FRMD4A: variants seen among roughly 807,000 people sequenced by gnomAD.
FRMD4A encodes FERM domain containing 4A.
In FRMD4A, 29 loss-of-function variants were observed where a neutral mutation model predicts 129.1. The ratio of observed to expected loss-of-function variants is 0.22; its 90% CI spans 0.17 to 0.31. The LOEUF (loss-of-function observed/expected upper bound fraction) is 0.31. Ranked by LOEUF, FRMD4A falls within the 10% of genes least tolerant of loss-of-function variation. The probability of loss-of-function intolerance (pLI) is 1.00; values close to 1 mark genes in which losing one functional copy is unlikely to be tolerated. For missense variants in FRMD4A, 1,272 were observed against 1,375.8 expected, an observed-to-expected ratio of 0.92 and a Z score of 1.19; for synonymous variants, 634 against 571.6, an observed-to-expected ratio of 1.11 and a Z score of -1.56.
At chr10:14,029,374 T>C (rs1018200047) in intron 2 of FRMD4A, among the ~76,000 whole-genome samples, 2 of 152,102 alleles carry the variant, frequency 1.3e-5, no homozygotes, top group African/African-American at 4.8e-5. Flanking sequence ...TATAGATTTC[T>C]GCAGCCCTGA....
intron 15 of FRMD4A, among the ~76,000 whole-genome samples, chr10:13,678,878 T>C (rs1242886056): frequency 6.6e-6 from 1 of 152,222 alleles, no homozygotes; most frequent in African/African-American, 2.4e-5. Flanking sequence ...ATATCCATTA[T>C]CCAAACATTG....
rs544931147 is a variant in FRMD4A at position 13,777,867 on chromosome 10, C to T, written c.384+5055G>A. Among the ~76,000 whole-genome samples the T allele has an allele frequency of 3.3e-3, 456 of 138,118 alleles. 1 individual carries two copies. Among genetic ancestry groups the T allele is most frequent in the African/African-American group, 0.011 (434 of 37,868 alleles). 90.6% of individuals were successfully genotyped at this position (138,118 alleles called of 152,430 possible). ...AGGCTGGAGTGCAATGGTGCGATCT[C>T]GGCTTACTGCAACCTCAGCCTCCCG... On this transcript the variant is annotated intron_variant, in intron 6 of 24. Coordinates refer to ENST00000357447, the MANE Select transcript of FRMD4A (RefSeq NM_018027.5).
At chr10:13,883,382 C>A (rs2094569322) in intron 2 of FRMD4A, among the ~76,000 whole-genome samples, 1 of 152,038 alleles carries the variant, frequency 6.6e-6, no homozygotes, top group Admixed American at 6.6e-5. Flanking sequence ...ATCCCAGCTA[C>A]TCGGGAGGCT....
At position 14,134,203 on chromosome 10, in the gene FRMD4A, T is replaced by C. The variant is rs2131832298; in HGVS notation, c.45+195855A>G. Among the ~76,000 whole-genome samples the C allele has an allele frequency of 1.3e-5, 2 of 152,336 alleles. 1 individual carries two copies. The highest frequency in any genetic ancestry group is 6.8e-3 in the Middle Eastern group (2 of 294). ...TTCCCATTCTGCTGTATAGCATATG[T>C]TTTGTAACATGTCTTGAAATCTTTT... On this transcript the variant is annotated intron_variant, in intron 2 of 24. Coordinates refer to ENST00000357447, the MANE Select transcript of FRMD4A (RefSeq NM_018027.5).
chr10:14,264,398 T>C (rs1430771886), intron 2 of FRMD4A, among the ~76,000 whole-genome samples: 3 of 152,226 alleles, frequency 2.0e-5, no homozygotes. Context: ...AAGCCATCAT[T>C]CTAAAAACAA....
At chr10:14,123,562 C>G (rs1838657370) in intron 2 of FRMD4A, among the ~76,000 whole-genome samples, 1 of 152,168 alleles carries the variant, frequency 6.6e-6, no homozygotes, top group Non-Finnish European at 1.5e-5. Flanking sequence ...TTGGGCAGTC[C>G]CCCATCTTTG....
chr10:14,203,091 A>G (rs1361807379), intron 2 of FRMD4A, among the ~76,000 whole-genome samples: 1 of 151,894 alleles, frequency 6.6e-6, no homozygotes, highest in Non-Finnish European at 1.5e-5. Flanking sequence ...AATATTTTAG[A>G]CTCAAGTTTA....
At chr10:13,797,396 G>T (rs1291871218) in intron 4 of FRMD4A, among the ~76,000 whole-genome samples, 1 of 152,180 alleles carries the variant, frequency 6.6e-6, no homozygotes, top group East Asian at 1.9e-4. Context: ...ACTTTGGAAG[G>T]CTGAGGCAAG....
chr10:14,226,585 ATCT>A (rs1475722829), intron 2 of FRMD4A, among the ~76,000 whole-genome samples: 1 of 152,148 alleles, frequency 6.6e-6, no homozygotes, highest in African/African-American at 2.4e-5. Flanking sequence ...GTAGATGGCC[ATCT>A]TCTCCCTGTG....
intron 2 of FRMD4A, among the ~76,000 whole-genome samples, chr10:13,890,079 G>T (rs2094676910): frequency 6.6e-6 from 1 of 152,202 alleles, no homozygotes; most frequent in Non-Finnish European, 1.5e-5. Context: ...CTTCTAGGTT[G>T]CAAGAGACAA....
chr10:14,291,439 A>G (rs1845847891), intron 2 of FRMD4A, among the ~76,000 whole-genome samples: 1 of 152,162 alleles, frequency 6.6e-6, no homozygotes, highest in Non-Finnish European at 1.5e-5. Flanking sequence ...CTACACTACC[A>G]TGTATAAAAA....
chr10:13,905,512 C>T (rs1057474510), intron 2 of FRMD4A, among the ~76,000 whole-genome samples: 1 of 152,246 alleles, frequency 6.6e-6, no homozygotes, highest in Middle Eastern at 3.4e-3. Flanking sequence ...CCCTTGTGCT[C>T]TTTACAAAGG....
intron 5 of FRMD4A, 152 bp from the exon 6 acceptor site, chr10:13,783,158 C>T: frequency 1.7e-6 from 1 of 604,856 alleles, no homozygotes. Context: ...TCTATGATTC[C>T]CTAGGGAGGA....
chr10:14,078,662 G>A (rs903306265), intron 2 of FRMD4A, among the ~76,000 whole-genome samples: 1 of 152,170 alleles, frequency 6.6e-6, no homozygotes, highest in Admixed American at 6.5e-5. Flanking sequence ...AGGTCATGGT[G>A]GGGGGTATGA....
chr10:13,839,916 T>C (rs762108433), intron 3 of FRMD4A, among the ~76,000 whole-genome samples: 1 of 152,176 alleles, frequency 6.6e-6, no homozygotes, highest in African/African-American at 2.4e-5. Context: ...CTGTGAAGCA[T>C]GGACTTCCCA....
intron 2 of FRMD4A, among the ~76,000 whole-genome samples, chr10:14,177,113 C>T (rs1272963691): frequency 6.6e-6 from 1 of 152,228 alleles, no homozygotes; most frequent in Non-Finnish European, 1.5e-5. Flanking sequence ...GGTTCATGAA[C>T]AGGTTTGCAC....
chr10:14,153,827 G>C (rs1840463400), intron 2 of FRMD4A, among the ~76,000 whole-genome samples: 2 of 152,116 alleles, frequency 1.3e-5, no homozygotes, highest in African/African-American at 4.8e-5. Flanking sequence ...TCATAGCACG[G>C]CCTCCCCTCC....
At chr10:14,329,353 A>C (rs546369338) in intron 2 of FRMD4A, among the ~76,000 whole-genome samples, 1 of 152,342 alleles carries the variant, frequency 6.6e-6, no homozygotes, top group African/African-American at 2.4e-5. Flanking sequence ...TGTCAAGCCA[A>C]AAGCCAATTG....
intron 4 of FRMD4A, among the ~76,000 whole-genome samples, chr10:13,805,912 G>T (rs2093350505): frequency 6.6e-6 from 1 of 151,602 alleles, no homozygotes; most frequent in South Asian, 2.1e-4. Flanking sequence ...AGGCTGGAGT[G>T]CGTGGCGTGA....
Sources: gnomAD v4.1 joint callset for allele counts (sites outside exome capture counted in the v4.1 genomes callset) on GRCh38, gnomAD v4.1.1 for gene constraint, MANE v1.5 for transcripts, NCBI Gene and HGNC (gene_info 2026-07-23, HGNC 2026-07-21) for gene names.